The following SEPTIN7 variants were observed in gnomAD, a reference collection of about 807,000 sequenced individuals.
SEPTIN7 encodes septin 7, also known as septin-7.
In SEPTIN7, 10 loss-of-function variants were observed where a neutral mutation model predicts 63.3. The observed-to-expected ratio is 0.16, with a 90% CI of 0.10 to 0.27. SEPTIN7 has a LOEUF of 0.27. Among genes scored for constraint, SEPTIN7 ranks in the 10% least tolerant of loss-of-function variants. The pLI is 1.00. For missense variants in SEPTIN7, 310 were observed against 521.0 expected (o/e 0.59, Z 3.94); for synonymous variants, 131 against 165.3 (o/e 0.79, Z 1.59).
At chr7:35,915,009 GTGTACATATA>G in the SEPTIN7 span, among the ~76,000 whole-genome samples, 1 of 151,552 alleles carries the variant, frequency 6.6e-6, no homozygotes, top group Non-Finnish European at 1.5e-5. Context: ...TATAATGTAT[GTGTACATATA>G]TGTATACATG....
At chr7:35,832,068 A>G (rs183467812) in intron 2 of SEPTIN7, 183 of 453,614 alleles carry the variant, frequency 4.0e-4, no homozygotes, top group African/African-American at 3.3e-3. Flanking sequence ...TACTACACCA[A>G]TTTGGAAGTA....
At chr7:35,804,844 T>C (rs559654190) in intron 1 of SEPTIN7, among the ~76,000 whole-genome samples, 2 of 148,594 alleles carry the variant, frequency 1.3e-5, no homozygotes, top group East Asian at 3.9e-4. Context: ...TGTTTTTTTT[T>C]TTTTTTTTTG....
At chr7:35,817,006 A>G (rs1583497296) in intron 1 of SEPTIN7, among the ~76,000 whole-genome samples, 1 of 148,642 alleles carries the variant, frequency 6.7e-6, no homozygotes, top group Non-Finnish European at 1.5e-5. Flanking sequence ...ACAATTCCAC[A>G]GGTTTTTTTT....
At chr7:35,849,200 A>C (rs1160275164) in intron 3 of SEPTIN7, among the ~76,000 whole-genome samples, 1 of 152,218 alleles carries the variant, frequency 6.6e-6, no homozygotes, top group Non-Finnish European at 1.5e-5. Context: ...TAAATTCCAG[A>C]TCAACATATG....
chr7:35,851,066 A>C (rs148400677), intron 3 of SEPTIN7, among the ~76,000 whole-genome samples: 20 of 152,266 alleles, frequency 1.3e-4, no homozygotes, highest in Middle Eastern at 3.4e-3. Flanking sequence ...GACTTTCTTC[A>C]AAACCTTATA....
chr7:35,872,758 T>C lies in SEPTIN7; in HGVS notation c.369T>C (p.Asn123=), dbSNP rs773201753. 1.2e-6 allele frequency: 2 copies of C among 1,607,156 alleles called. No individual in the cohort carries two copies. Among genetic ancestry groups the C allele is most frequent in the South Asian group, 1.1e-5 (1 of 90,952 alleles). ...CAGGATTTGGAGATGCAGTGGATAA[T>C]AGTAATTGGTAAGAAGGGTTTGTCC... ...DTPGFGDAVD[N]SNCWQPVIDY... is the part of the protein sequence containing the mutation. The change falls in exon 5 of 14, where the codon AAT becomes AAC. Residue 123 remains asparagine, a synonymous_variant. Coordinates refer to ENST00000350320, the MANE Select transcript of SEPTIN7 (RefSeq NM_001788.6).
At chr7:35,823,803 C>T (rs758325429) in intron 1 of SEPTIN7, among the ~76,000 whole-genome samples, 5 of 152,194 alleles carry the variant, frequency 3.3e-5, no homozygotes, top group Non-Finnish European at 7.3e-5. Context: ...GTCTCTCTCT[C>T]TATTCTTATG....
chr7:35,878,836 T>C (rs1386522178), intron 6 of SEPTIN7, among the ~76,000 whole-genome samples: 1 of 152,160 alleles, frequency 6.6e-6, no homozygotes, highest in African/African-American at 2.4e-5. Context: ...AACACCCAGG[T>C]AGCATATCCA....
chr7:35,900,032 G>GT (rs1341850516), intron 12 of SEPTIN7: 1 of 152,076 alleles, frequency 6.6e-6, no homozygotes, highest in Non-Finnish European at 1.5e-5. Context: ...CAGATCTCTC[G>GT]TTATATTCTT....
At chr7:35,877,070 A>G (rs1402454358) in intron 6 of SEPTIN7, among the ~76,000 whole-genome samples, 5 of 152,192 alleles carry the variant, frequency 3.3e-5, no homozygotes, top group Non-Finnish European at 4.4e-5. Flanking sequence ...TGACTACACC[A>G]CTGCACTCCA....
At chr7:35,812,920 A>G (rs1788820166) in intron 1 of SEPTIN7, among the ~76,000 whole-genome samples, 1 of 152,146 alleles carries the variant, frequency 6.6e-6, no homozygotes, top group African/African-American at 2.4e-5. Flanking sequence ...CCCTACTTCT[A>G]GACTGGGGCA....
intron 11 of SEPTIN7, among the ~76,000 whole-genome samples, chr7:35,897,508 CA>C (rs1195595565): frequency 6.6e-6 from 1 of 150,796 alleles, no homozygotes; most frequent in Non-Finnish European, 1.5e-5. Flanking sequence ...ACAGAGTGAA[CA>C]TTTTTTTTTT....
downstream of SEPTIN7, among the ~76,000 whole-genome samples, chr7:35,911,904 TAAAGGA>T (rs1788749099): frequency 1.3e-5 from 2 of 152,150 alleles, no homozygotes; most frequent in African/African-American, 4.8e-5. Context: ...CTGGAGTGCT[TAAAGGA>T]GCTGCAGACA....
In SEPTIN7 at chr7:35,803,230, A is replaced by G. The variant is rs1001083530; in HGVS notation, c.61+1960A>G. 3.7e-5 allele frequency: 26 copies of G among 697,890 alleles called. No homozygotes were observed. The African/African-American group carries it at 4.7e-4, about 13-fold the overall frequency. The allele number at this position is 697,890 out of a possible 1,614,324, so 43.2% of individuals were successfully genotyped here. A position where few individuals can be genotyped will look rare whatever the true frequency, so the allele number is the denominator to read the frequency against. ...AGGTAGTGTTAAAAGATTGTATTTC[A>G]GAAGTTTGTGATAAAATTGGTTGTT... On this transcript the variant is annotated intron_variant, in intron 1 of 13. Transcript: ENST00000350320.
intron 1 of SEPTIN7, among the ~76,000 whole-genome samples, chr7:35,820,083 G>A (rs1371852864): frequency 6.6e-6 from 1 of 151,100 alleles, no homozygotes; most frequent in Non-Finnish European, 1.5e-5. Context: ...TTCAACATTC[G>A]AAATATGTTA....
chr7:35,880,086 C>A, intron 7 of SEPTIN7, 146 bp downstream of exon 7: 2 of 590,058 alleles, frequency 3.4e-6, no homozygotes, highest in South Asian at 4.6e-5. Flanking sequence ...ACTCTTCAAT[C>A]TTCTGCCTTT....
rs941702656 is a variant in SEPTIN7 at position 35,904,676 on chromosome 7, G to A, written c.*383G>A. ...TGAGGATAAATTGCCATAATATGATGCAAACTGTGCTTCTCTATGATAATT... is the reference window on the plus strand; with the variant it reads ...TGAGGATAAATTGCCATAATATGATACAAACTGTGCTTCTCTATGATAATT... On this transcript the variant is annotated 3_prime_UTR_variant, in exon 14 of 14. Coordinates refer to ENST00000350320, the MANE Select transcript of SEPTIN7 (RefSeq NM_001788.6). 10 of 158,760 alleles carry A rather than the reference G, an allele frequency of 6.3e-5. No individual in the cohort carries two copies. The highest frequency in any genetic ancestry group is 4.1e-5 in the Non-Finnish European group (3 of 72,490). 9.8% of individuals were successfully genotyped at this position (158,760 alleles called of 1,614,324 possible).
intron 3 of SEPTIN7, among the ~76,000 whole-genome samples, chr7:35,849,128 A>ACATC (rs1464556613): frequency 5.3e-5 from 8 of 152,220 alleles, no homozygotes; most frequent in African/African-American, 1.9e-4. Context: ...ATTAGCATGT[A>ACATC]CATCAGTGTG....
At chr7:35,870,445 A>ATTGTTGTATAATTT (rs1786075965) in intron 4 of SEPTIN7, among the ~76,000 whole-genome samples, 1 of 152,198 alleles carries the variant, frequency 6.6e-6, no homozygotes, top group South Asian at 2.1e-4. Context: ...ATGTAGATTT[A>ATTGTTGTATAATTT]CTATATTGTT....
Sources: allele counts gnomAD v4.1 joint callset (sites outside exome capture counted in the v4.1 genomes callset), GRCh38; gene constraint gnomAD v4.1.1; transcripts MANE v1.5; gene names NCBI Gene and HGNC (gene_info 2026-07-23, HGNC 2026-07-21).